PPARGC1A: variants seen among roughly 807,000 people sequenced by gnomAD.
The protein encoded by PPARGC1A is peroxisome proliferator-activated receptor gamma coactivator 1-alpha.
In PPARGC1A, 25 loss-of-function variants were observed where a neutral mutation model predicts 88.7. The observed-to-expected ratio is 0.28, with a 90% CI of 0.21 to 0.39. The LOEUF is 0.39. PPARGC1A is among the 10% of genes least tolerant of loss of function. PPARGC1A has a pLI of 1.00. For missense variants in PPARGC1A, 880 were observed against 968.7 expected, an observed-to-expected ratio of 0.91 and a Z score of 1.22; for synonymous variants, 363 against 355.6, an observed-to-expected ratio of 1.02 and a Z score of -0.24.
chr4:24,444,394 T>C, the PPARGC1A span, among the ~76,000 whole-genome samples: 1 of 152,046 alleles, frequency 6.6e-6, no homozygotes, highest in Non-Finnish European at 1.5e-5. Context: ...AAAACTTTGT[T>C]TTTAAGTGGT....
At chr4:24,365,153 GA>G in the PPARGC1A span, among the ~76,000 whole-genome samples, 46,672 of 133,028 alleles carry the variant, frequency 0.35, 7,279 homozygotes, top group South Asian at 0.41. Context: ...AGATGGCATT[GA>G]AAAAAAAAAA....
intron 2 of PPARGC1A, among the ~76,000 whole-genome samples, chr4:23,874,328 C>T (rs1487323360): frequency 1.3e-5 from 2 of 152,180 alleles, no homozygotes; most frequent in African/African-American, 2.4e-5. Flanking sequence ...CTGCAGCTCG[C>T]AGAAACAGAT....
At chr4:24,269,056 T>A in the PPARGC1A span, among the ~76,000 whole-genome samples, 279 of 152,320 alleles carry the variant, frequency 1.8e-3, 1 homozygote, top group Non-Finnish European at 2.7e-3. Flanking sequence ...ATGTAACTAC[T>A]CTCTCTAATA....
At chr4:24,426,687 A>G in the PPARGC1A span, among the ~76,000 whole-genome samples, 1 of 152,236 alleles carries the variant, frequency 6.6e-6, no homozygotes, top group Admixed American at 6.5e-5. Context: ...GTAGCTTAGA[A>G]ATAAGCAATA....
chr4:23,793,597 C>T lies in PPARGC1A; in HGVS notation c.*2225G>A, dbSNP rs1717024151. 1 of 152,222 alleles carries T rather than the reference C, an allele frequency of 6.6e-6. No homozygotes were observed. The highest frequency in any genetic ancestry group is 2.1e-4 in the South Asian group (1 of 4,828). The allele number at this position is 152,222 out of a possible 1,614,324, so 9.4% of individuals were successfully genotyped here. On this transcript the variant is annotated 3_prime_UTR_variant, in exon 13 of 13. Transcript: ENST00000264867. Reference sequence around the variant, plus strand: ...ATCATGTCTTCCAGAAAAGTCATGTCAGCCAAACAGTAATCGAATCTCAAT... The same window carrying T: ...ATCATGTCTTCCAGAAAAGTCATGTTAGCCAAACAGTAATCGAATCTCAAT...
At chr4:24,100,873 T>C in the PPARGC1A span, among the ~76,000 whole-genome samples, 4 of 152,202 alleles carry the variant, frequency 2.6e-5, no homozygotes, top group African/African-American at 9.6e-5. Context: ...ACTTTCTAGC[T>C]TCTGTCTAAA....
At chr4:23,810,870 G>A (rs1363896928) in intron 10 of PPARGC1A, among the ~76,000 whole-genome samples, 1 of 152,030 alleles carries the variant, frequency 6.6e-6, no homozygotes, top group African/African-American at 2.4e-5. Context: ...AAATTATATG[G>A]CACTATATAA....
chr4:24,219,068 C>T, the PPARGC1A span, among the ~76,000 whole-genome samples: 15 of 152,306 alleles, frequency 9.8e-5, no homozygotes, highest in African/African-American at 3.4e-4. Context: ...GAAAGAGGGG[C>T]TTATTTTCTC....
the PPARGC1A span, among the ~76,000 whole-genome samples, chr4:24,240,249 G>A: frequency 6.6e-6 from 1 of 152,192 alleles, no homozygotes; most frequent in Non-Finnish European, 1.5e-5. Flanking sequence ...GAGGCATAGA[G>A]ACACAGAAGT....
At chr4:24,070,266 A>G in the PPARGC1A span, among the ~76,000 whole-genome samples, 1 of 152,164 alleles carries the variant, frequency 6.6e-6, no homozygotes, top group South Asian at 2.1e-4. Flanking sequence ...CTTCTGACAT[A>G]TGAGAGGAAG....
chr4:24,106,798 G>A, the PPARGC1A span, among the ~76,000 whole-genome samples: 2 of 152,204 alleles, frequency 1.3e-5, no homozygotes, highest in Non-Finnish European at 2.9e-5. Flanking sequence ...TTGCTCACAT[G>A]ACCTGCCAGC....
At chr4:23,943,778 A>G in the PPARGC1A span, among the ~76,000 whole-genome samples, 1 of 152,188 alleles carries the variant, frequency 6.6e-6, no homozygotes, top group African/African-American at 2.4e-5. Flanking sequence ...AATCTTGTTG[A>G]TAGCATGTCT....
At chr4:23,947,688 A>G in the PPARGC1A span, among the ~76,000 whole-genome samples, 1 of 152,040 alleles carries the variant, frequency 6.6e-6, no homozygotes, top group Non-Finnish European at 1.5e-5. Context: ...ACTGCACTCC[A>G]TGGAGATCAT....
the PPARGC1A span, among the ~76,000 whole-genome samples, chr4:23,966,041 C>T: frequency 6.6e-6 from 1 of 152,160 alleles, no homozygotes; most frequent in Non-Finnish European, 1.5e-5. Context: ...ACACAATTAT[C>T]AGCAGGATGT....
At chr4:24,446,724 G>C in the PPARGC1A span, among the ~76,000 whole-genome samples, 1 of 151,620 alleles carries the variant, frequency 6.6e-6, no homozygotes, top group African/African-American at 2.4e-5. Context: ...AGCTTCCTGA[G>C]TAGCTGGGAT....
chr4:24,408,389 C>G, the PPARGC1A span, among the ~76,000 whole-genome samples: 1 of 151,216 alleles, frequency 6.6e-6, no homozygotes. Context: ...AGCAACAGTT[C>G]AAATTGGGTC....
the PPARGC1A span, among the ~76,000 whole-genome samples, chr4:24,323,739 G>C: frequency 6.6e-6 from 1 of 152,124 alleles, no homozygotes; most frequent in Non-Finnish European, 1.5e-5. Flanking sequence ...GACTCGGATC[G>C]GGGGACCTCC....
At chr4:23,941,188 C>A in the PPARGC1A span, among the ~76,000 whole-genome samples, 1 of 152,102 alleles carries the variant, frequency 6.6e-6, no homozygotes, top group African/African-American at 2.4e-5. Flanking sequence ...CGTAGCTAGG[C>A]CTATAGGCGT....
the PPARGC1A span, among the ~76,000 whole-genome samples, chr4:24,471,621 C>A: frequency 6.6e-6 from 1 of 152,208 alleles, no homozygotes; most frequent in South Asian, 2.1e-4. This position sits in a 1 kb window ranked among gnomAD's most constrained non-coding sequence, Gnocchi z 5.4. Context: ...TCCTTCCACG[C>A]CCCCCTTCCG....
Sources: gnomAD v4.1 joint callset for allele counts (sites outside exome capture counted in the v4.1 genomes callset) on GRCh38, gnomAD v4.1.1 for gene constraint, Gnocchi (gnomAD v3.1) non-coding constraint, MANE v1.5 for transcripts, NCBI Gene and HGNC (gene_info 2026-07-23, HGNC 2026-07-21) for gene names.